The following NRIP3 variants were observed in gnomAD, a reference collection of about 807,000 sequenced individuals.
NRIP3 encodes nuclear receptor-interacting protein 3.
NRIP3 carries 31 observed loss-of-function variants against 29.0 expected under a neutral mutation model. The observed-to-expected ratio is 1.07, with a 90% CI of 0.80 to 1.44. NRIP3 has a LOEUF of 1.44. Ranked by LOEUF, NRIP3 falls within the 40% of genes most tolerant of loss-of-function variation. NRIP3 has a pLI of 0.00. For missense variants in NRIP3, 314 were observed against 297.9 expected, an observed-to-expected ratio of 1.05 and a Z score of -0.40; for synonymous variants, 131 against 118.3, an observed-to-expected ratio of 1.11 and a Z score of -0.70.
intron 1 of NRIP3, among the ~76,000 whole-genome samples, chr11:8,996,857 AC>A (rs199874273): frequency 0.02 from 3,047 of 152,166 alleles, 43 homozygotes; most frequent in Non-Finnish European, 0.033. Context: ...TTTGAGACCA[AC>A]CTAGCAACAC....
chr11:9,003,341 C>T (rs1188228668), intron 1 of NRIP3, among the ~76,000 whole-genome samples: 1 of 152,206 alleles, frequency 6.6e-6, no homozygotes, highest in East Asian at 1.9e-4. Context: ...AAAAAACCCT[C>T]TTTCCACTTC....
chr11:8,992,082 T>G (rs1156239706), intron 1 of NRIP3, among the ~76,000 whole-genome samples: 1 of 152,260 alleles, frequency 6.6e-6, no homozygotes, highest in Admixed American at 6.5e-5. Context: ...ATAAACTATT[T>G]TGTTTGAGCT....
At chr11:8,987,767 C>T (rs974785525) in intron 2 of NRIP3, 137 bp from the exon 3 acceptor site, 47 of 711,462 alleles carry the variant, frequency 6.6e-5, no homozygotes, top group Non-Finnish European at 1.1e-4. Context: ...AGTGTCCCAT[C>T]TTTACCCACT....
Position 8,983,233 on chromosome 11 carries a change from A to G in NRIP3, c.*312T>C. 4.2e-6 allele frequency: 2 copies of G among 477,884 alleles called. No homozygotes were observed. The highest frequency in any genetic ancestry group is 7.5e-6 in the Non-Finnish European group (2 of 266,696). The allele number at this position is 477,884 out of a possible 1,614,324, so 29.6% of individuals were successfully genotyped here. A position where few individuals can be genotyped will look rare whatever the true frequency, so the allele number is the denominator to read the frequency against. On this transcript the variant is annotated 3_prime_UTR_variant, in exon 7 of 7. Coordinates refer to ENST00000309166, the MANE Select transcript of NRIP3 (RefSeq NM_020645.3). ...GGAGACACAGAACCTGGCAGCCCCT[A>G]TACTTGACTAATAAAAGCAAATTCC...
In NRIP3 at chr11:9,003,755, G is replaced by C. The variant is rs762628024; in HGVS notation, c.174+7C>G. 7.1e-7 allele frequency: 1 copy of C among 1,411,472 alleles called. No homozygotes were observed. The highest frequency in any genetic ancestry group is 9.3e-7 in the Non-Finnish European group (1 of 1,074,530). 87.4% of individuals were successfully genotyped at this position (1,411,472 alleles called of 1,614,324 possible). ...GGGCCGGGGCGAGAACGGCGGCGGG[G>C]GCTCACCATGTCCTTGGACGAGCCC... On this transcript the variant is annotated splice_region_variant and intron_variant, in intron 1 of 6. Coordinates refer to ENST00000309166, the MANE Select transcript of NRIP3 (RefSeq NM_020645.3).
intron 3 of NRIP3, among the ~76,000 whole-genome samples, chr11:8,986,239 A>G (rs1854521118): frequency 1.3e-5 from 2 of 152,172 alleles, no homozygotes; most frequent in Admixed American, 6.5e-5. Context: ...CTAATTTTAT[A>G]AGGTGCTTTG....
At chr11:8,984,034 G>T (rs368554531) in intron 5 of NRIP3, 38 bp downstream of exon 5, 1 of 1,598,772 alleles carries the variant, frequency 6.3e-7, no homozygotes, top group Non-Finnish European at 8.6e-7. Context: ...ACCTGCCTCA[G>T]AGAGGAAGTA....
At chr11:8,984,047 A>G (rs773580722) in intron 5 of NRIP3, 25 bp downstream of exon 5, 1 of 1,607,320 alleles carries the variant, frequency 6.2e-7, no homozygotes, top group South Asian at 1.1e-5. Flanking sequence ...AGGAAGTATC[A>G]AGGGGTAAGT....
At chr11:9,001,341 C>T (rs2134932585) in intron 1 of NRIP3, among the ~76,000 whole-genome samples, 1 of 152,230 alleles carries the variant, frequency 6.6e-6, no homozygotes, top group East Asian at 1.9e-4. Flanking sequence ...AAGCAGTGAA[C>T]ATTACAGAAA....
At chr11:8,989,274 G>GTCACAA (rs1854562385) in intron 1 of NRIP3, among the ~76,000 whole-genome samples, 1 of 152,160 alleles carries the variant, frequency 6.6e-6, no homozygotes, top group Non-Finnish European at 1.5e-5. Flanking sequence ...GGAGAAATTT[G>GTCACAA]TATACACAAA....
At chr11:8,985,155 G>C (rs1445239647) in intron 4 of NRIP3, among the ~76,000 whole-genome samples, 1 of 125,776 alleles carries the variant, frequency 8.0e-6, no homozygotes, top group East Asian at 2.5e-4. Flanking sequence ...CCGGCCTCTT[G>C]CTCCTTGAAT....
intron 1 of NRIP3, among the ~76,000 whole-genome samples, chr11:8,993,106 G>A (rs1217323238): frequency 6.6e-6 from 1 of 152,106 alleles, no homozygotes; most frequent in South Asian, 2.1e-4. Flanking sequence ...AGAGGCAAAG[G>A]CAGTTCTAAG....
At chr11:8,995,680 A>G (rs927217589) in intron 1 of NRIP3, among the ~76,000 whole-genome samples, 10 of 152,198 alleles carry the variant, frequency 6.6e-5, no homozygotes, top group Non-Finnish European at 1.0e-4. Context: ...AACCAGAGTA[A>G]GCTTTTTAAA....
chr11:8,999,440 C>T (rs11042152), intron 1 of NRIP3, among the ~76,000 whole-genome samples: 49,525 of 152,120 alleles, frequency 0.33, 9,993 homozygotes, highest in Non-Finnish European at 0.43. Flanking sequence ...CACATAGTAG[C>T]CTGAGTAGTC....
intron 1 of NRIP3, among the ~76,000 whole-genome samples, chr11:8,990,471 A>T (rs1396848073): frequency 6.6e-6 from 1 of 152,184 alleles, no homozygotes; most frequent in Non-Finnish European, 1.5e-5. Flanking sequence ...AAAATACTTA[A>T]GTATCACTGA....
intron 1 of NRIP3, among the ~76,000 whole-genome samples, chr11:8,994,002 G>T (rs1034368193): frequency 1.3e-5 from 2 of 151,966 alleles, no homozygotes; most frequent in African/African-American, 4.8e-5. Context: ...TAGCAGAAAA[G>T]AGTTCAGCCA....
At chr11:8,999,351 C>T (rs1854759687) in intron 1 of NRIP3, among the ~76,000 whole-genome samples, 1 of 152,132 alleles carries the variant, frequency 6.6e-6, no homozygotes, top group African/African-American at 2.4e-5. Context: ...GTACCATCAA[C>T]TCTCACTTCA....
rs1328019672 is a variant in NRIP3 at position 9,003,785 on chromosome 11, T to G, written c.151A>C (p.Lys51Gln). The change falls in exon 1 of 7, where the codon AAG becomes CAG. Residue 51 changes from lysine (K) to glutamine (Q), a missense_variant. Lys to Gln is a moderately conservative substitution (Grantham distance 53). Transcript: ENST00000309166. ...ADLLPLDGLK[K>Q]LGSSKDMQPH... ...ACCATGTCCTTGGACGAGCCCAGCT[T>G]CTTGAGGCCGTCCAGGGGCAGCAGG... is the stretch of plus-strand genomic sequence containing the variant. 2.0e-6 allele frequency: 3 copies of G among 1,495,762 alleles called. No homozygotes were observed. Among genetic ancestry groups the G allele is most frequent in the Non-Finnish European group, 2.7e-6 (3 of 1,119,826 alleles). The allele number at this position is 1,495,762 out of a possible 1,614,324, so 92.7% of individuals were successfully genotyped here.
intron 3 of NRIP3, among the ~76,000 whole-genome samples, chr11:8,986,757 G>A (rs1356457551): frequency 1.3e-5 from 2 of 152,150 alleles, no homozygotes; most frequent in Non-Finnish European, 2.9e-5. Flanking sequence ...AGTGGCTCAC[G>A]CCTGTAATGC....
Sources: allele counts gnomAD v4.1 joint callset (sites outside exome capture counted in the v4.1 genomes callset), GRCh38; gene constraint gnomAD v4.1.1; transcripts MANE v1.5; gene names NCBI Gene and HGNC (gene_info 2026-07-23, HGNC 2026-07-21).